Variants in PIP5K1B observed in about 807,000 individuals in gnomAD.
PIP5K1B encodes phosphatidylinositol 4-phosphate 5-kinase type-1 beta.
A neutral mutation model predicts 67.0 loss-of-function variants in PIP5K1B; 42 were observed. The observed-to-expected ratio is 0.63, with a 90% CI of 0.49 to 0.81. The LOEUF (loss-of-function observed/expected upper bound fraction) is 0.81, where lower values mean the gene tolerates loss of function less well. PIP5K1B is among the 30% of genes least tolerant of loss of function. The pLI is 0.00. For missense variants in PIP5K1B, 459 were observed against 646.3 expected, an observed-to-expected ratio of 0.71 and a Z score of 3.14; for synonymous variants, 214 against 231.4, an observed-to-expected ratio of 0.92 and a Z score of 0.68.
chr9:68,992,475 T>A (rs1830423046), intron 15 of PIP5K1B, among the ~76,000 whole-genome samples: 1 of 152,112 alleles, frequency 6.6e-6, no homozygotes, highest in Admixed American at 6.5e-5. Context: ...GACCTAGCAC[T>A]GTAATTTCTC....
intron 14 of PIP5K1B, among the ~76,000 whole-genome samples, chr9:68,949,137 A>T (rs1827939057): frequency 6.6e-6 from 1 of 152,070 alleles, no homozygotes; most frequent in Non-Finnish European, 1.5e-5. Context: ...TTGCCTCTTA[A>T]TTCTGGAACT....
chr9:68,957,061 AG>A (rs1303743071), intron 14 of PIP5K1B, among the ~76,000 whole-genome samples: 1 of 152,214 alleles, frequency 6.6e-6, no homozygotes, highest in Non-Finnish European at 1.5e-5. Context: ...GGGTGGGTAC[AG>A]CTGCACAGTG....
At chr9:68,937,274 G>T (rs551787192) in intron 13 of PIP5K1B, among the ~76,000 whole-genome samples, 1 of 152,160 alleles carries the variant, frequency 6.6e-6, no homozygotes, top group Non-Finnish European at 1.5e-5. Flanking sequence ...ATTAATTACT[G>T]CCTCAATTTC....
At chr9:68,830,912 C>T (rs188324572) in intron 4 of PIP5K1B, among the ~76,000 whole-genome samples, 11 of 152,354 alleles carry the variant, frequency 7.2e-5, no homozygotes, top group Admixed American at 6.5e-4. Context: ...AGCAGGCCCC[C>T]TTTCCCTGAG....
At chr9:68,903,642 T>C (rs1825471857) in intron 8 of PIP5K1B, among the ~76,000 whole-genome samples, 1 of 152,210 alleles carries the variant, frequency 6.6e-6, no homozygotes, top group Non-Finnish European at 1.5e-5. Context: ...AATGAGCTGC[T>C]GGCAGCAACA....
chr9:68,732,963 CGAT>C (rs1828524641), intron 1 of PIP5K1B, among the ~76,000 whole-genome samples: 3 of 151,780 alleles, frequency 2.0e-5, no homozygotes, highest in African/African-American at 7.3e-5. Flanking sequence ...ATGACGACGA[CGAT>C]GATGTGGTTG....
chr9:68,925,694 C>T (rs1826654802), intron 12 of PIP5K1B, among the ~76,000 whole-genome samples: 1 of 151,368 alleles, frequency 6.6e-6, no homozygotes, highest in Admixed American at 6.6e-5. Flanking sequence ...AAATTGACAT[C>T]ACCGTAAATT....
intron 14 of PIP5K1B, among the ~76,000 whole-genome samples, chr9:68,955,878 G>A (rs1828362027): frequency 6.6e-6 from 1 of 152,108 alleles, no homozygotes; most frequent in South Asian, 2.1e-4. Flanking sequence ...TCTTTGATGT[G>A]TACTGTATGC....
intron 14 of PIP5K1B, among the ~76,000 whole-genome samples, chr9:68,979,161 T>A (rs1050967938): frequency 6.6e-6 from 1 of 152,216 alleles, no homozygotes; most frequent in African/African-American, 2.4e-5. Context: ...GGGCTAATTT[T>A]CTGCAGTGAT....
At chr9:68,920,868 T>C (rs965871104) in intron 11 of PIP5K1B, among the ~76,000 whole-genome samples, 3 of 151,908 alleles carry the variant, frequency 2.0e-5, no homozygotes, top group African/African-American at 7.3e-5. Flanking sequence ...TACTTCCTGC[T>C]ACTAACAACA....
chr9:68,923,009 T>C (rs1214771047), intron 11 of PIP5K1B, among the ~76,000 whole-genome samples: 1 of 152,208 alleles, frequency 6.6e-6, no homozygotes. Context: ...GGACACAATG[T>C]TATGAATAAG....
chr9:68,959,637 A>G (rs1014517689), intron 14 of PIP5K1B, among the ~76,000 whole-genome samples: 3 of 152,086 alleles, frequency 2.0e-5, no homozygotes, highest in Non-Finnish European at 2.9e-5. Flanking sequence ...CTATTCTCCA[A>G]GTAGAGTTGC....
At chr9:68,753,342 ATTT>A (rs398010785) in intron 2 of PIP5K1B, among the ~76,000 whole-genome samples, 2 of 133,864 alleles carry the variant, frequency 1.5e-5, no homozygotes, top group African/African-American at 2.8e-5. Context: ...CATTTTCTTG[ATTT>A]TTTTTTTTTT....
rs919407554 is a variant in PIP5K1B at position 68,978,341 on chromosome 9, T to C, written c.1503-12799T>C. 5.9e-5 allele frequency among the ~76,000 whole-genome samples: 9 copies of C among 152,384 alleles called. No individual in the cohort carries two copies. The East Asian group carries it at 1.7e-3, about 29-fold the overall frequency. ...TCTGCTTTTATGAGTTCAGCTTTCT[T>C]AGATTTTACAAATGAGTTCATGCAG... On this transcript the variant is annotated intron_variant, in intron 14 of 15. Transcript: ENST00000265382.
intron 1 of PIP5K1B, among the ~76,000 whole-genome samples, chr9:68,731,953 T>G (rs4745232): frequency 0.95 from 144,568 of 152,256 alleles, 68,721 homozygotes; most frequent in Non-Finnish European, 0.96. Flanking sequence ...TTTTTAATGT[T>G]TGTGGAAGGA....
At chr9:68,825,366 T>C (rs953713835) in intron 4 of PIP5K1B, among the ~76,000 whole-genome samples, 23 of 152,166 alleles carry the variant, frequency 1.5e-4, no homozygotes, top group Admixed American at 3.3e-4. Flanking sequence ...GTTCACTCGG[T>C]TTCCACCAGC....
At chr9:68,870,163 T>G (rs1823562182) in intron 5 of PIP5K1B, among the ~76,000 whole-genome samples, 1 of 152,334 alleles carries the variant, frequency 6.6e-6, no homozygotes, top group Non-Finnish European at 1.5e-5. Context: ...TCAAGCACGG[T>G]TTTCCAGTAT....
rs1015543247 is a variant in PIP5K1B, at chr9:68,769,696, T to G, written c.-86+27039T>G. Among the ~76,000 whole-genome samples the G allele has an allele frequency of 2.0e-5, 3 of 152,220 alleles. No individual in the cohort carries two copies. The East Asian group carries it at 5.8e-4, about 29-fold the overall frequency. On this transcript the variant is annotated intron_variant, in intron 2 of 15. Coordinates refer to ENST00000265382, the MANE Select transcript of PIP5K1B (RefSeq NM_003558.4). ...GGCTTTTGGTCCCATTTGTCTTTCCTTTTTTGTATCATCGGTATTTTTCTT... is the reference window on the plus strand; with the variant it reads ...GGCTTTTGGTCCCATTTGTCTTTCCGTTTTTGTATCATCGGTATTTTTCTT...
intron 8 of PIP5K1B, among the ~76,000 whole-genome samples, chr9:68,902,768 G>A (rs1216328389): frequency 6.6e-6 from 1 of 152,138 alleles, no homozygotes; most frequent in Non-Finnish European, 1.5e-5. Flanking sequence ...TTCCTCACTA[G>A]CATCTGCTGT....
Sources: allele counts gnomAD v4.1 joint callset (sites outside exome capture counted in the v4.1 genomes callset), GRCh38; gene constraint gnomAD v4.1.1; transcripts MANE v1.5; gene names NCBI Gene and HGNC (gene_info 2026-07-23, HGNC 2026-07-21).